The following PCDH15 variants were observed in gnomAD, a reference collection of about 807,000 sequenced individuals.
PCDH15 encodes protocadherin related 15.
In PCDH15, 129 loss-of-function variants were observed where a neutral mutation model predicts 178.5. That is an observed-to-expected ratio of 0.72 (90% CI 0.63 to 0.84). The LOEUF is 0.84. Among genes scored for constraint, PCDH15 ranks in the 40% least tolerant of loss-of-function variants. The pLI is 0.00. For synonymous variants in PCDH15, 800 were observed against 732.0 expected (o/e 1.09, Z -1.50); for missense variants, 2,230 against 2,099.9 (o/e 1.06, Z -1.21).
chr10:54,751,423 C>G (rs1310954113), intron 1 of PCDH15, among the ~76,000 whole-genome samples: 2 of 152,094 alleles, frequency 1.3e-5, no homozygotes, highest in East Asian at 3.9e-4. Context: ...TATGCACAAA[C>G]AGATGGCACC....
At chr10:55,258,778 T>TA (rs1842073854) in intron 1 of PCDH15, among the ~76,000 whole-genome samples, 1 of 150,478 alleles carries the variant, frequency 6.6e-6, no homozygotes, top group African/African-American at 2.4e-5. Flanking sequence ...TTTTTTTTTT[T>TA]TAATAAACAG....
At chr10:55,140,101 T>TA (rs1476787713) in intron 2 of PCDH15, among the ~76,000 whole-genome samples, 1 of 151,996 alleles carries the variant, frequency 6.6e-6, no homozygotes, top group African/African-American at 2.4e-5. Context: ...GTTGATTTTT[T>TA]AAATGTTTAT....
intron 1 of PCDH15, among the ~76,000 whole-genome samples, chr10:54,680,003 C>T (rs1490320105): frequency 6.6e-6 from 1 of 152,138 alleles, no homozygotes; most frequent in Non-Finnish European, 1.5e-5. Flanking sequence ...GTGTATTAGA[C>T]TGCCAAGATA....
At chr10:55,423,244 A>G (rs958762048) in intron 2 of PCDH15, among the ~76,000 whole-genome samples, 3 of 152,032 alleles carry the variant, frequency 2.0e-5, no homozygotes, top group Non-Finnish European at 1.5e-5. Flanking sequence ...CACACTTTAA[A>G]TGATTTACTT....
At chr10:54,499,555 C>T (rs1246409099) in intron 3 of PCDH15, among the ~76,000 whole-genome samples, 1 of 152,072 alleles carries the variant, frequency 6.6e-6, no homozygotes, top group East Asian at 1.9e-4. Context: ...AATTAAACAA[C>T]TTGCTCCTGA....
At chr10:54,891,628 C>G (rs1463996537) in intron 3 of PCDH15, among the ~76,000 whole-genome samples, 1 of 152,136 alleles carries the variant, frequency 6.6e-6, no homozygotes, top group Non-Finnish European at 1.5e-5. Flanking sequence ...TTCTGAAAGC[C>G]TCATCAAAGT....
At chr10:55,405,974 T>C (rs1838188591) in intron 2 of PCDH15, among the ~76,000 whole-genome samples, 1 of 151,310 alleles carries the variant, frequency 6.6e-6, no homozygotes, top group South Asian at 2.1e-4. Context: ...TCAGAGTCAG[T>C]GTCGATGAGA....
intron 2 of PCDH15, among the ~76,000 whole-genome samples, chr10:54,546,939 G>T (rs1470500499): frequency 6.6e-6 from 1 of 152,098 alleles, no homozygotes; most frequent in African/African-American, 2.4e-5. Context: ...ATTCATTTGG[G>T]CAACTGAGCT....
At chr10:54,004,538 C>A (rs2092312420) in intron 20 of PCDH15, among the ~76,000 whole-genome samples, 1 of 151,536 alleles carries the variant, frequency 6.6e-6, no homozygotes, top group African/African-American at 2.4e-5. Context: ...CAAAAGAAAT[C>A]AATAAAGTAA....
intron 2 of PCDH15, among the ~76,000 whole-genome samples, chr10:55,154,571 G>A (rs1262481848): frequency 1.3e-5 from 2 of 152,096 alleles, no homozygotes; most frequent in African/African-American, 4.8e-5. Context: ...TTAGTGAAGG[G>A]TGCAGCAGCT....
At chr10:55,375,892 C>A (rs1319037641) in intron 2 of PCDH15, among the ~76,000 whole-genome samples, 1 of 151,890 alleles carries the variant, frequency 6.6e-6, no homozygotes, top group Non-Finnish European at 1.5e-5. Context: ...TACCACCAAT[C>A]TATATATCAG....
At chr10:54,786,147 C>A (rs534691698) in intron 1 of PCDH15, among the ~76,000 whole-genome samples, 93 of 152,050 alleles carry the variant, frequency 6.1e-4, no homozygotes, top group African/African-American at 2.2e-3. Context: ...TAATTCTGTG[C>A]TTTTAGAATA....
chr10:54,254,259 T>C (rs955003187), intron 8 of PCDH15, among the ~76,000 whole-genome samples: 9 of 152,118 alleles, frequency 5.9e-5, no homozygotes, highest in African/African-American at 1.9e-4. Context: ...GTAGAGATGA[T>C]GCAAGTCTCA....
At chr10:55,516,450 C>A (rs920974210) in intron 2 of PCDH15, among the ~76,000 whole-genome samples, 1 of 152,086 alleles carries the variant, frequency 6.6e-6, no homozygotes, top group Non-Finnish European at 1.5e-5. Context: ...CAATACACTT[C>A]TTTAACCACT....
At chr10:55,302,658 C>A (rs751492771) in intron 1 of PCDH15, among the ~76,000 whole-genome samples, 1 of 152,126 alleles carries the variant, frequency 6.6e-6, no homozygotes, top group Non-Finnish European at 1.5e-5. Context: ...CTGATTTAAA[C>A]GGTTATCTCA....
chr10:54,163,413 G>C (rs552473706), intron 13 of PCDH15, among the ~76,000 whole-genome samples: 12 of 151,996 alleles, frequency 7.9e-5, no homozygotes, highest in African/African-American at 2.9e-4. Context: ...GCAGGAGAGA[G>C]AGAGAGAGCG....
chr10:54,958,124 T>C (rs527713545), intron 2 of PCDH15, among the ~76,000 whole-genome samples: 5 of 151,864 alleles, frequency 3.3e-5, no homozygotes, highest in Non-Finnish European at 7.4e-5. Flanking sequence ...ACTTTACCGT[T>C]TTTTGTTGAA....
intron 21 of PCDH15, among the ~76,000 whole-genome samples, chr10:53,970,812 A>T (rs1465559315): frequency 1.3e-5 from 2 of 152,106 alleles, no homozygotes; most frequent in Non-Finnish European, 2.9e-5. Context: ...CTACCAACCA[A>T]AAAAAGTCCA....
In PCDH15 at chr10:54,183,575, C is replaced by A; in HGVS notation, c.1459G>T (p.Val487Leu). Residue 487 changes from valine to leucine, a missense_variant, in exon 13 of 38, where the codon GTA becomes TTA. Transcript: ENST00000644397. ...YTFSITAFDG[V>L]QESEPVIVNI... ...ACGATGACTGGCTCACTTTCTTGTA[C>A]ACCATCAAATGCTGTTATCTTTGGG... The A allele has an allele frequency of 2.5e-6, 4 of 1,613,946 alleles. No individual in the cohort carries two copies. Among genetic ancestry groups the A allele is most frequent in the Non-Finnish European group, 3.4e-6 (4 of 1,179,970 alleles).
Sources: gnomAD v4.1 joint callset for allele counts (sites outside exome capture counted in the v4.1 genomes callset) on GRCh38, gnomAD v4.1.1 for gene constraint, MANE v1.5 for transcripts, NCBI Gene and HGNC (gene_info 2026-07-23, HGNC 2026-07-21) for gene names.